Variants in FAH observed in about 807,000 individuals in gnomAD.
FAH encodes fumarylacetoacetase.
Under a neutral mutation model 55.8 loss-of-function variants are expected in FAH, and 47 were observed. The observed-to-expected ratio is 0.84, with a 90% CI of 0.67 to 1.07. The LOEUF (loss-of-function observed/expected upper bound fraction) is 1.07, where lower values mean the gene tolerates loss of function less well. Among genes scored for constraint, FAH ranks in the 50% least tolerant of loss-of-function variants. The pLI is 0.00. For synonymous variants in FAH, 199 were observed against 207.7 expected, an observed-to-expected ratio of 0.96 and a Z score of 0.36; for missense variants, 495 against 545.9, an observed-to-expected ratio of 0.91 and a Z score of 0.93.
At chr15:80,171,157 A>G (rs942984960) in intron 7 of FAH, among the ~76,000 whole-genome samples, 5 of 151,996 alleles carry the variant, frequency 3.3e-5, no homozygotes, top group African/African-American at 1.2e-4. Context: ...GGTTTGTTAC[A>G]TATGTATACA....
intron 8 of FAH, 139 bp from the exon 9 acceptor site, chr15:80,172,875 T>G (rs766622246): frequency 1.6e-4 from 179 of 1,148,578 alleles, no homozygotes; most frequent in Non-Finnish European, 2.1e-4. Context: ...CCCTTTGTCC[T>G]GGGGCAGCCT....
chr15:80,179,149 A>G (rs2866593), intron 11 of FAH, among the ~76,000 whole-genome samples: 112,215 of 152,086 alleles, frequency 0.74, 41,566 homozygotes, highest in East Asian at 0.88. Context: ...GCATGTAAGC[A>G]TTTTGCCTGC....
At chr15:80,184,591 G>A (rs956804384) in intron 13 of FAH, among the ~76,000 whole-genome samples, 36 of 151,876 alleles carry the variant, frequency 2.4e-4, no homozygotes, top group Non-Finnish European at 1.0e-4. Flanking sequence ...TTTCACCCCA[G>A]TGGTGTGGAT....
intron 1 of FAH, among the ~76,000 whole-genome samples, chr15:80,154,803 C>A (rs1055780058): frequency 6.6e-6 from 1 of 152,214 alleles, no homozygotes; most frequent in Non-Finnish European, 1.5e-5. Context: ...ACAGGAGACG[C>A]CTTCCTTCCA....
intron 5 of FAH, 92 bp from the exon 6 acceptor site, chr15:80,167,960 G>A (rs868283729): frequency 3.3e-5 from 34 of 1,016,224 alleles, no homozygotes; most frequent in African/African-American, 1.4e-4. Context: ...TGTATGTGGC[G>A]ACTCTTTGTT....
rs143175090 is a variant in FAH at position 80,159,265 on chromosome 15, A to G, written c.193-491A>G. On this transcript the variant is annotated intron_variant, in intron 2 of 13. Coordinates refer to ENST00000561421, the MANE Select transcript of FAH (RefSeq NM_000137.4). ...AACTTTTTTTTTTTAATAGAGATGAAGTCTCACTATATTGCCCAGGCTGAT... is the reference window on the plus strand; with the variant it reads ...AACTTTTTTTTTTTAATAGAGATGAGGTCTCACTATATTGCCCAGGCTGAT... Among the ~76,000 whole-genome samples the G allele has an allele frequency of 5.3e-3, 802 of 151,940 alleles. 5 individuals are homozygous for G. Among genetic ancestry groups the G allele is most frequent in the African/African-American group, 0.019 (782 of 41,430 alleles).
At chr15:80,170,193 A>G (rs191264871) in intron 7 of FAH, among the ~76,000 whole-genome samples, 1 of 152,346 alleles carries the variant, frequency 6.6e-6, no homozygotes, top group African/African-American at 2.4e-5. Context: ...CCAAGGTTGG[A>G]GTCAGTCTCC....
intron 13 of FAH, among the ~76,000 whole-genome samples, chr15:80,184,435 C>T (rs1302109019): frequency 2.0e-5 from 3 of 152,114 alleles, no homozygotes; most frequent in Admixed American, 2.0e-4. Context: ...GACCAGGGGT[C>T]CCAGGGTGTA....
At chr15:80,186,492 C>T (rs2041372614), downstream of FAH, 1 of 499,650 alleles carries the variant, frequency 2.0e-6, no homozygotes, top group African/African-American at 1.9e-5. Flanking sequence ...TATTAGACAT[C>T]CCAGGCCTCC....
rs57837512 is a variant in FAH at position 80,153,171 on chromosome 15, GGGAGTGGAGTGGAGTGGAGTGGAGT to G, written c.81+55_81+79del. 3.2e-6 allele frequency: 4 copies of G among 1,249,214 alleles called. No individual in the cohort carries two copies. In the African/African-American group the frequency reaches 5.2e-5, roughly 16 times the overall value. The allele number at this position is 1,249,214 out of a possible 1,614,324, so 77.4% of individuals were successfully genotyped here. Reference sequence around the variant, plus strand: ...GGGCTTTGGCGTCCGGGCGCGGGGAGGGAGTGGAGTGGAGTGGAGTGGAGTGGAGTGGAGTGGAGTGGAATGGAGT... The same window carrying G: ...GGGCTTTGGCGTCCGGGCGCGGGGAGGGAGTGGAGTGGAGTGGAATGGAGT... On this transcript the variant is annotated intron_variant, in intron 1 of 13. Transcript: ENST00000561421.
chr15:80,176,799 G>A (rs2041288220), intron 10 of FAH, among the ~76,000 whole-genome samples: 1 of 152,252 alleles, frequency 6.6e-6, no homozygotes, highest in African/African-American at 2.4e-5. Context: ...TATCCAGAAA[G>A]CACAGTGTCC....
At chr15:80,178,740 C>T (rs546392660) in intron 11 of FAH, among the ~76,000 whole-genome samples, 2 of 151,908 alleles carry the variant, frequency 1.3e-5, no homozygotes, top group South Asian at 2.1e-4. Flanking sequence ...CCCGCCACCA[C>T]GCCCGGCTAA....
At chr15:80,185,865 C>A (rs549263110) in intron 13 of FAH, among the ~76,000 whole-genome samples, 1 of 152,182 alleles carries the variant, frequency 6.6e-6, no homozygotes, top group South Asian at 2.1e-4. Flanking sequence ...ACCATATTAG[C>A]CACAGGAAAG....
intron 5 of FAH, chr15:80,163,237 C>T (rs1028302149): frequency 6.6e-6 from 1 of 152,590 alleles, no homozygotes; most frequent in East Asian, 1.9e-4. Flanking sequence ...GAGACCAGAA[C>T]CCAGGCTCCA....
chr15:80,154,401 G>C (rs571499772), intron 1 of FAH, among the ~76,000 whole-genome samples: 1 of 152,334 alleles, frequency 6.6e-6, no homozygotes, highest in East Asian at 1.9e-4. Context: ...AGTGTGGCTA[G>C]GTGTTTTCAG....
chr15:80,168,060 T>C lies in FAH; in HGVS notation c.464T>C (p.Leu155Ser). The C allele has an allele frequency of 6.2e-7, 1 of 1,613,994 alleles. No homozygotes were observed. Among genetic ancestry groups the C allele is most frequent in the Non-Finnish European group, 8.5e-7 (1 of 1,179,856 alleles). ...ENALMPNWLH[L>S]PVGYHGRASS... ...TTGCCTTCCTTTCTCAGGCTGCACTTACCAGTGGGCTACCATGGCCGTGCC... is the reference window on the plus strand; with the variant it reads ...TTGCCTTCCTTTCTCAGGCTGCACTCACCAGTGGGCTACCATGGCCGTGCC... The change falls in exon 6 of 14, where the codon TTA becomes TCA. Residue 155 changes from leucine (L) to serine (S), a missense_variant. By Grantham distance (145) the Leu-to-Ser change is moderately radical (BLOSUM62 -2). Coordinates refer to ENST00000561421, the MANE Select transcript of FAH (RefSeq NM_000137.4).
chr15:80,163,047 G>C (rs550446163), intron 5 of FAH: 1 of 155,810 alleles, frequency 6.4e-6, no homozygotes, highest in South Asian at 1.9e-4. Flanking sequence ...GTCACACACA[G>C]GAGCTGGGTT....
intron 12 of FAH, among the ~76,000 whole-genome samples, chr15:80,180,824 C>T (rs2041325002): frequency 6.6e-6 from 1 of 152,162 alleles, no homozygotes; most frequent in South Asian, 2.1e-4. Flanking sequence ...CAAGCGATGT[C>T]CTTAGTGGAA....
intron 3 of FAH, 127 bp from the exon 4 acceptor site, chr15:80,160,283 C>A: frequency 1.0e-6 from 1 of 964,210 alleles, no homozygotes; most frequent in Non-Finnish European, 1.7e-6. Flanking sequence ...TAGCTCTGGC[C>A]CCAGGCCAGC....
Sources: allele counts gnomAD v4.1 joint callset (sites outside exome capture counted in the v4.1 genomes callset), GRCh38; gene constraint gnomAD v4.1.1; transcripts MANE v1.5; gene names NCBI Gene and HGNC (gene_info 2026-07-23, HGNC 2026-07-21).